SNTG2: variants seen among roughly 807,000 people sequenced by gnomAD.
SNTG2 encodes the protein syntrophin gamma 2.
In SNTG2, 74 loss-of-function variants were observed where a neutral mutation model predicts 70.9. That is an observed-to-expected ratio of 1.04 (90% CI 0.86 to 1.27). The LOEUF (loss-of-function observed/expected upper bound fraction) is 1.27, where lower values mean the gene tolerates loss of function less well. SNTG2 is among the 50% of genes most tolerant of loss of function. The probability of loss-of-function intolerance (pLI) is 0.00; values close to 1 mark genes in which losing one functional copy is unlikely to be tolerated. For synonymous variants in SNTG2, 278 were observed against 273.8 expected (o/e 1.02, Z -0.15); for missense variants, 717 against 690.7 (o/e 1.04, Z -0.43).
intron 2 of SNTG2, among the ~76,000 whole-genome samples, chr2:1,089,424 T>C (rs7582327): frequency 0.79 from 120,787 of 152,120 alleles, 48,140 homozygotes; most frequent in Admixed American, 0.88. Flanking sequence ...ATCACAAGGT[T>C]AGGAGTTTGA....
intron 16 of SNTG2, among the ~76,000 whole-genome samples, chr2:1,334,067 C>T (rs1028480019): frequency 2.0e-5 from 3 of 152,082 alleles, no homozygotes; most frequent in Admixed American, 6.5e-5. Flanking sequence ...AATATCCAGA[C>T]TCTGCAAGGA....
At chr2:1,284,552 T>G (rs1200170111) in intron 14 of SNTG2, among the ~76,000 whole-genome samples, 2 of 152,336 alleles carry the variant, frequency 1.3e-5, no homozygotes, top group Middle Eastern at 3.4e-3. Flanking sequence ...TCTCACCATC[T>G]ACTTTCCTTT....
Position 1,098,231 on chromosome 2 carries a change from C to G in SNTG2, c.246C>G (p.Gly82=). The G allele has an allele frequency of 6.2e-7, 1 of 1,613,986 alleles. No homozygotes were observed. Among genetic ancestry groups the G allele is most frequent in the Non-Finnish European group, 8.5e-7 (1 of 1,179,882 alleles). ...TTACACTCCGCAGACAGCCAGTTGG[C>G]GGCTTGGGCCTGAGTATAAAGGTAT... ...RTVTLRRQPV[G]GLGLSIKGGS... is the part of the protein sequence containing the mutation. The change falls in exon 3 of 17, where the codon GGC becomes GGG. Residue 82 remains glycine, a synonymous_variant. Transcript: ENST00000308624.
chr2:1,057,948 GC>G (rs1339107639), intron 1 of SNTG2, among the ~76,000 whole-genome samples: 2 of 152,174 alleles, frequency 1.3e-5, no homozygotes, highest in East Asian at 1.9e-4. Context: ...AATTGTTTAA[GC>G]CCCAGGGGTT....
At chr2:1,023,834 T>C (rs1450305711) in intron 1 of SNTG2, among the ~76,000 whole-genome samples, 1 of 152,186 alleles carries the variant, frequency 6.6e-6, no homozygotes, top group Non-Finnish European at 1.5e-5. Context: ...TTACACCAGG[T>C]CCGGCTGCAG....
At chr2:1,004,193 CATT>C (rs1659496174) in intron 1 of SNTG2, among the ~76,000 whole-genome samples, 1 of 152,148 alleles carries the variant, frequency 6.6e-6, no homozygotes, top group Admixed American at 6.5e-5. Flanking sequence ...AAAACTAAAT[CATT>C]AGTCCCTGTA....
At chr2:1,154,220 T>G (rs74392810) in intron 6 of SNTG2, among the ~76,000 whole-genome samples, 11,505 of 151,870 alleles carry the variant, frequency 0.076, 912 homozygotes, top group African/African-American at 0.2. Context: ...CCATGGAGGC[T>G]GACATTAGGG....
intron 12 of SNTG2, among the ~76,000 whole-genome samples, chr2:1,251,777 T>G: frequency 7.5e-6 from 1 of 133,472 alleles, no homozygotes; most frequent in Non-Finnish European, 1.6e-5. Flanking sequence ...ACACCACATC[T>G]GCACACCACT....
intron 16 of SNTG2, among the ~76,000 whole-genome samples, chr2:1,360,514 T>C (rs538602386): frequency 5.3e-5 from 8 of 152,314 alleles, no homozygotes; most frequent in Non-Finnish European, 1.0e-4. Context: ...CAGAAGGTTA[T>C]TGGACTCTTT....
rs7561946 is a variant in SNTG2, at chr2:1,027,766, C to T, written c.73-55752C>T. On this transcript the variant is annotated intron_variant, in intron 1 of 16. Coordinates refer to ENST00000308624, the MANE Select transcript of SNTG2 (RefSeq NM_018968.4). Reference sequence around the variant, plus strand: ...GTGCATCATTGAAGATGCGTCTGACCCACAGACACTACCCAGCAAGTAACT... The same window carrying T: ...GTGCATCATTGAAGATGCGTCTGACTCACAGACACTACCCAGCAAGTAACT... 1.0e-4 allele frequency among the ~76,000 whole-genome samples: 14 copies of T among 140,590 alleles called. 1 individual carries two copies. The highest frequency in any genetic ancestry group is 3.9e-4 in the African/African-American group (14 of 35,976). The allele number at this position is 140,590 out of a possible 152,430, so 92.2% of individuals were successfully genotyped here. A position where few individuals can be genotyped will look rare whatever the true frequency, so the allele number is the denominator to read the frequency against.
chr2:1,209,120 C>G lies in SNTG2; in HGVS notation c.609C>G (p.Ser203=). ...NSSTTAPSSP[S]SPIAKDPRYE... ...CTGTACAGGCCCCATCGTCACCTTC[C>G]TCGCCCATAGCTAAGGACCCGAGGT... Residue 203 remains serine, a synonymous_variant, in exon 9 of 17, where the codon TCC becomes TCG. Coordinates refer to ENST00000308624, the MANE Select transcript of SNTG2 (RefSeq NM_018968.4). The G allele has an allele frequency of 6.2e-7, 1 of 1,613,964 alleles. No homozygotes were observed. The highest frequency in any genetic ancestry group is 1.1e-5 in the South Asian group (1 of 91,082).
chr2:1,138,854 C>A (rs1197382751), intron 6 of SNTG2, among the ~76,000 whole-genome samples: 2 of 152,218 alleles, frequency 1.3e-5, no homozygotes, highest in Non-Finnish European at 2.9e-5. Flanking sequence ...AGCCCTAGTA[C>A]CCAAAAGTCA....
At chr2:1,293,697 T>A (rs1471921794) in intron 14 of SNTG2, among the ~76,000 whole-genome samples, 1 of 151,428 alleles carries the variant, frequency 6.6e-6, no homozygotes, top group Non-Finnish European at 1.5e-5. Flanking sequence ...TTCCAATAAG[T>A]TCAAAAAAAA....
intron 1 of SNTG2, among the ~76,000 whole-genome samples, chr2:951,847 T>C (rs1328490075): frequency 1.3e-5 from 2 of 152,000 alleles, no homozygotes; most frequent in East Asian, 3.9e-4. Context: ...TTAATGAAAA[T>C]GCATTGACAA....
intron 8 of SNTG2, among the ~76,000 whole-genome samples, chr2:1,189,981 A>G (rs1298110406): frequency 6.6e-6 from 1 of 152,138 alleles, no homozygotes; most frequent in Non-Finnish European, 1.5e-5. Flanking sequence ...AATCTTTAAA[A>G]CCTTTGGGAA....
intron 1 of SNTG2, among the ~76,000 whole-genome samples, chr2:978,600 C>T (rs1237642544): frequency 6.6e-6 from 1 of 152,134 alleles, no homozygotes; most frequent in African/African-American, 2.4e-5. Context: ...TTTGCTGAAG[C>T]CTTCTGCCCC....
intron 9 of SNTG2, among the ~76,000 whole-genome samples, chr2:1,220,502 C>A (rs113339376): frequency 1.4e-4 from 21 of 152,198 alleles, no homozygotes; most frequent in Non-Finnish European, 2.6e-4. Flanking sequence ...TGGAGAGCCC[C>A]GGTCTGAGGT....
chr2:1,103,395 T>C (rs1205991838), intron 4 of SNTG2: 2 of 286,774 alleles, frequency 7.0e-6, no homozygotes, highest in East Asian at 1.4e-4. Flanking sequence ...TTTTTTATTT[T>C]TTTTTTTAGA....
intron 6 of SNTG2, among the ~76,000 whole-genome samples, chr2:1,157,167 C>T (rs1481255767): frequency 1.3e-5 from 2 of 152,164 alleles, no homozygotes; most frequent in African/African-American, 4.8e-5. Flanking sequence ...CCTTCCTTTC[C>T]CCTCCATCCC....
Sources: gnomAD v4.1 joint callset for allele counts (sites outside exome capture counted in the v4.1 genomes callset) on GRCh38, gnomAD v4.1.1 for gene constraint, MANE v1.5 for transcripts, NCBI Gene and HGNC (gene_info 2026-07-23, HGNC 2026-07-21) for gene names.